EBF2: variants seen among roughly 807,000 people sequenced by gnomAD.
EBF2 encodes the protein transcription factor COE2.
EBF2 carries 21 observed loss-of-function variants against 72.8 expected under a neutral mutation model. The observed-to-expected ratio is 0.29, with a 90% CI of 0.20 to 0.42. The LOEUF (loss-of-function observed/expected upper bound fraction) is 0.42, where lower values mean the gene tolerates loss of function less well. Ranked by LOEUF, EBF2 falls within the 10% of genes least tolerant of loss-of-function variation. The probability of loss-of-function intolerance (pLI) is 1.00; values close to 1 mark genes in which losing one functional copy is unlikely to be tolerated. For synonymous variants in EBF2, 299 were observed against 274.2 expected, an observed-to-expected ratio of 1.09 and a Z score of -0.89; for missense variants, 637 against 731.2, an observed-to-expected ratio of 0.87 and a Z score of 1.49.
At chr8:25,919,877 G>A (rs1242684081) in intron 6 of EBF2, among the ~76,000 whole-genome samples, 1 of 152,182 alleles carries the variant, frequency 6.6e-6, no homozygotes, top group Non-Finnish European at 1.5e-5. Context: ...TATTTTGAAA[G>A]CACCTGGAAA....
chr8:25,878,299 C>T (rs2117280810), intron 10 of EBF2, among the ~76,000 whole-genome samples: 1 of 152,290 alleles, frequency 6.6e-6, no homozygotes, highest in Non-Finnish European at 1.5e-5. Flanking sequence ...GAGCACTGTC[C>T]TGCAGTGAAG....
intron 7 of EBF2, 77 bp downstream of exon 7, chr8:25,908,397 A>G: frequency 8.6e-7 from 1 of 1,164,718 alleles, no homozygotes; most frequent in South Asian, 1.4e-5. Flanking sequence ...TTTAAAGAAA[A>G]AGAAAATAAA....
At chr8:25,862,869 C>T (rs898003491) in intron 10 of EBF2, 72 bp from the exon 11 acceptor site, 33 of 1,173,628 alleles carry the variant, frequency 2.8e-5, no homozygotes, top group Non-Finnish European at 3.9e-5. Flanking sequence ...AATTCTTCCA[C>T]AGGTAATAAG....
At chr8:26,004,098 G>A (rs1429909673) in intron 6 of EBF2, among the ~76,000 whole-genome samples, 9 of 143,136 alleles carry the variant, frequency 6.3e-5, no homozygotes, top group Non-Finnish European at 1.4e-4. Flanking sequence ...CTTAGGACAA[G>A]ACTGACATGT....
chr8:25,962,706 C>A (rs1232209916), intron 6 of EBF2, among the ~76,000 whole-genome samples: 1 of 152,158 alleles, frequency 6.6e-6, no homozygotes, highest in Non-Finnish European at 1.5e-5. Flanking sequence ...GTGGTGTGAA[C>A]ACAAAATCTA....
chr8:26,027,933 A>C (rs536911811), intron 6 of EBF2, among the ~76,000 whole-genome samples: 1 of 152,148 alleles, frequency 6.6e-6, no homozygotes, highest in East Asian at 1.9e-4. Flanking sequence ...CATTAAATAC[A>C]ATGGTGGTTT....
Position 26,040,855 on chromosome 8 carries a change from G to A in EBF2, c.352+84C>T, listed in dbSNP as rs77990433. 492 of 1,581,310 alleles carry A rather than the reference G, an allele frequency of 3.1e-4. 5 individuals are homozygous for A. The East Asian group carries it at 0.011, about 34-fold the overall frequency. On this transcript the variant is annotated intron_variant, in intron 3 of 15. Coordinates refer to ENST00000520164, the MANE Select transcript of EBF2 (RefSeq NM_022659.4). ...CCGCCCTGGGCTCCATGCGATCCCT[G>A]AGAGTGATCATGGCAAGGTCAGCGC...
Position 25,867,017 on chromosome 8 carries a change from G to T in EBF2, c.1010-4220C>A, listed in dbSNP as rs1370048813. Reference sequence around the variant, plus strand: ...TTTTCTTGGTATATATCTAAATTCAGATATAACCATTAATACCAGATTCAA... The same window carrying T: ...TTTTCTTGGTATATATCTAAATTCATATATAACCATTAATACCAGATTCAA... On this transcript the variant is annotated intron_variant, in intron 10 of 15. Transcript: ENST00000520164. Among the ~76,000 whole-genome samples the T allele has an allele frequency of 2.0e-5, 3 of 152,050 alleles. No homozygotes were observed. The East Asian group carries it at 5.8e-4, about 29-fold the overall frequency.
intron 10 of EBF2, among the ~76,000 whole-genome samples, chr8:25,863,012 A>G (rs1469341082): frequency 1.4e-5 from 1 of 72,922 alleles, no homozygotes; most frequent in African/African-American, 6.9e-5. Context: ...ATTTCAGATT[A>G]TAATTATCAT....
chr8:26,029,064 A>G (rs1022493916), intron 6 of EBF2, among the ~76,000 whole-genome samples: 1 of 152,196 alleles, frequency 6.6e-6, no homozygotes, highest in African/African-American at 2.4e-5. Context: ...GTATTGGGGG[A>G]AAAAACTCCA....
At chr8:25,962,335 T>C (rs941185017) in intron 6 of EBF2, among the ~76,000 whole-genome samples, 2 of 152,142 alleles carry the variant, frequency 1.3e-5, no homozygotes, top group Non-Finnish European at 2.9e-5. Flanking sequence ...AAGAGGGCTG[T>C]CTTGGAAAAC....
At chr8:25,982,785 T>A (rs775991501) in intron 6 of EBF2, among the ~76,000 whole-genome samples, 1 of 152,118 alleles carries the variant, frequency 6.6e-6, no homozygotes, top group Non-Finnish European at 1.5e-5. Context: ...TTTCACACTA[T>A]AGAACCCACC....
chr8:25,870,598 T>A (rs1222687987), intron 10 of EBF2, among the ~76,000 whole-genome samples: 2 of 152,022 alleles, frequency 1.3e-5, no homozygotes, highest in South Asian at 2.1e-4. Context: ...TGGAGATGAG[T>A]TTTTTTAAAA....
intron 6 of EBF2, among the ~76,000 whole-genome samples, chr8:26,020,684 G>A (rs1805190607): frequency 6.6e-6 from 1 of 152,138 alleles, no homozygotes; most frequent in Admixed American, 6.5e-5. Context: ...GAGGAAGCAG[G>A]GGTGGGGTTA....
At chr8:25,988,645 A>G (rs1169586831) in intron 6 of EBF2, among the ~76,000 whole-genome samples, 1 of 152,268 alleles carries the variant, frequency 6.6e-6, no homozygotes, top group Non-Finnish European at 1.5e-5. Flanking sequence ...TAATCCAGCC[A>G]GGAATCTACA....
intron 7 of EBF2, among the ~76,000 whole-genome samples, chr8:25,890,438 G>A (rs901069796): frequency 2.0e-4 from 30 of 152,208 alleles, no homozygotes; most frequent in Admixed American, 2.0e-3. Flanking sequence ...AATAGAGGAT[G>A]TGTAGCATCT....
intron 6 of EBF2, among the ~76,000 whole-genome samples, chr8:25,957,161 C>T (rs1044833927): frequency 3.3e-5 from 5 of 152,282 alleles, no homozygotes; most frequent in African/African-American, 1.2e-4. Context: ...CTTCCAGCCT[C>T]GAGACACCTC....
intron 6 of EBF2, among the ~76,000 whole-genome samples, chr8:26,004,768 T>C (rs1423280778): frequency 1.4e-5 from 2 of 146,348 alleles, no homozygotes. Flanking sequence ...CCAAAATTAA[T>C]CATATCATTT....
intron 6 of EBF2, among the ~76,000 whole-genome samples, chr8:26,028,048 T>C (rs958936730): frequency 1.1e-4 from 16 of 152,160 alleles, no homozygotes; most frequent in Admixed American, 1.0e-3. Context: ...ATGGTGGTGA[T>C]AGTTGCACAA....
Sources: allele counts gnomAD v4.1 joint callset (sites outside exome capture counted in the v4.1 genomes callset), GRCh38; gene constraint gnomAD v4.1.1; transcripts MANE v1.5; gene names NCBI Gene and HGNC (gene_info 2026-07-23, HGNC 2026-07-21).